The following ADAM22 variants were observed in gnomAD, a reference collection of about 807,000 sequenced individuals.
ADAM22 encodes disintegrin and metalloproteinase domain-containing protein 22.
ADAM22 carries 65 observed loss-of-function variants against 144.6 expected under a neutral mutation model. The observed-to-expected ratio is 0.45, with a 90% CI of 0.37 to 0.55. The LOEUF (loss-of-function observed/expected upper bound fraction) is 0.55, where lower values mean the gene tolerates loss of function less well. ADAM22 is among the 20% of genes least tolerant of loss of function. The pLI is 0.00. For synonymous variants in ADAM22, 391 were observed against 412.6 expected, an observed-to-expected ratio of 0.95 and a Z score of 0.63; for missense variants, 974 against 1,184.9, an observed-to-expected ratio of 0.82 and a Z score of 2.61.
At chr7:87,993,084 G>A (rs1381786975) in intron 3 of ADAM22, among the ~76,000 whole-genome samples, 1 of 152,154 alleles carries the variant, frequency 6.6e-6, no homozygotes, top group African/African-American at 2.4e-5. Context: ...AGTGGCGTAT[G>A]GGGTGGATAT....
At chr7:88,082,865 T>C (rs1173220877) in intron 4 of ADAM22, among the ~76,000 whole-genome samples, 1 of 152,012 alleles carries the variant, frequency 6.6e-6, no homozygotes, top group East Asian at 1.9e-4. Context: ...TGTGGAGAAA[T>C]AGGAACACTT....
chr7:88,019,782 G>A (rs773000538), intron 3 of ADAM22, among the ~76,000 whole-genome samples: 17 of 151,952 alleles, frequency 1.1e-4, no homozygotes, highest in Admixed American at 4.6e-4. Context: ...CCTGGGAGGC[G>A]GAGGTTGCAG....
intron 2 of ADAM22, among the ~76,000 whole-genome samples, chr7:87,939,513 G>A (rs552891447): frequency 2.0e-5 from 3 of 152,274 alleles, no homozygotes; most frequent in South Asian, 2.1e-4. Context: ...CAAAGAGCAC[G>A]TGACTGTAGC....
intron 2 of ADAM22, among the ~76,000 whole-genome samples, chr7:87,954,798 G>A (rs1212491133): frequency 6.6e-6 from 1 of 152,094 alleles, no homozygotes; most frequent in African/African-American, 2.4e-5. Context: ...CGCAGATTTG[G>A]TCTTCTCACA....
intron 4 of ADAM22, among the ~76,000 whole-genome samples, chr7:88,091,544 T>A (rs1819852235): frequency 6.6e-6 from 1 of 152,188 alleles, no homozygotes. Flanking sequence ...ACTTGTATGG[T>A]ATTTACTATG....
intron 3 of ADAM22, among the ~76,000 whole-genome samples, chr7:88,041,203 C>T (rs898943628): frequency 6.6e-6 from 1 of 151,996 alleles, no homozygotes; most frequent in African/African-American, 2.4e-5. Flanking sequence ...TACAGTCCCA[C>T]CAATATTCAA....
intron 3 of ADAM22, among the ~76,000 whole-genome samples, chr7:88,061,447 CTTGAAG>C (rs1468534301): frequency 1.3e-5 from 2 of 152,170 alleles, no homozygotes. Flanking sequence ...AATAATAAGA[CTTGAAG>C]TTGAAATTAC....
intron 3 of ADAM22, among the ~76,000 whole-genome samples, chr7:88,054,038 A>G (rs1010618043): frequency 2.6e-5 from 4 of 152,174 alleles, no homozygotes; most frequent in Non-Finnish European, 5.9e-5. Context: ...AGGCTGAGGC[A>G]GGAGAATCAC....
chr7:88,116,568 G>C (rs1422078526), intron 6 of ADAM22, among the ~76,000 whole-genome samples, 177 bp from the exon 7 acceptor site: 1 of 152,132 alleles, frequency 6.6e-6, no homozygotes, highest in African/African-American at 2.4e-5. Context: ...TGTTGCTCTG[G>C]TGCTGAGAGA....
At chr7:88,077,804 T>C (rs1815067511) in intron 4 of ADAM22, among the ~76,000 whole-genome samples, 1 of 152,050 alleles carries the variant, frequency 6.6e-6, no homozygotes, top group African/African-American at 2.4e-5. Context: ...GGAGGGGCGC[T>C]CACCATTGCC....
intron 27 of ADAM22, among the ~76,000 whole-genome samples, chr7:88,180,826 ATCAT>A (rs1846830056): frequency 6.6e-6 from 1 of 152,052 alleles, no homozygotes; most frequent in South Asian, 2.1e-4. Flanking sequence ...CTTCTTTTAG[ATCAT>A]TCATTTAAAG....
At position 88,181,598 on chromosome 7, in the gene ADAM22, T is replaced by C; in HGVS notation, c.2589T>C (p.Ser863=). Reference sequence around the variant, plus strand: ...AAAATGGGCGACCTCGAAGTAACTCTTGGCAAGGTAGAGGCTGGCATTCTG... The same window carrying C: ...AAAATGGGCGACCTCGAAGTAACTCCTGGCAAGGTAGAGGCTGGCATTCTG... The part of the protein sequence containing the change: ...ICENGRPRSN[S]WQGNLGGNKK... The change falls in exon 28 of 32, where the codon TCT becomes TCC. Residue 863 remains serine, a synonymous_variant. Transcript: ENST00000413139. 3 of 1,613,200 alleles carry C rather than the reference T, an allele frequency of 1.9e-6. No individual in the cohort carries two copies. Among genetic ancestry groups the C allele is most frequent in the Non-Finnish European group, 2.5e-6 (3 of 1,179,262 alleles).
At chr7:88,120,299 T>G (rs1005022048) in intron 7 of ADAM22, among the ~76,000 whole-genome samples, 1 of 152,038 alleles carries the variant, frequency 6.6e-6, no homozygotes. Context: ...TTTACATTAG[T>G]TATATCTCCT....
intron 4 of ADAM22, among the ~76,000 whole-genome samples, chr7:88,096,583 T>A (rs947106988): frequency 4.6e-5 from 7 of 151,510 alleles, no homozygotes; most frequent in East Asian, 1.9e-4. Flanking sequence ...TATAATATTT[T>A]AAAAAATTGT....
At chr7:88,141,863 C>T (rs1834788763) in intron 14 of ADAM22, among the ~76,000 whole-genome samples, 1 of 152,058 alleles carries the variant, frequency 6.6e-6, no homozygotes, top group Admixed American at 6.5e-5. Context: ...CCACAAATAT[C>T]TTTGTTCGTA....
chr7:88,042,490 A>G (rs1042629239), intron 3 of ADAM22, among the ~76,000 whole-genome samples: 4 of 152,028 alleles, frequency 2.6e-5, no homozygotes, highest in Admixed American at 1.3e-4. Flanking sequence ...TACATGCAAC[A>G]ATCTTTTGTA....
intron 3 of ADAM22, among the ~76,000 whole-genome samples, chr7:88,050,238 A>C (rs1329619318): frequency 6.7e-5 from 10 of 150,320 alleles, no homozygotes; most frequent in Admixed American, 4.0e-4. Context: ...AAAAAAAAAA[A>C]AAAAAACCTG....
intron 3 of ADAM22, among the ~76,000 whole-genome samples, chr7:88,026,935 A>G (rs1799154401): frequency 6.6e-6 from 1 of 152,120 alleles, no homozygotes; most frequent in African/African-American, 2.4e-5. Flanking sequence ...TTTGTCATGA[A>G]AGGGTGTTGA....
intron 25 of ADAM22, among the ~76,000 whole-genome samples, chr7:88,169,784 A>C (rs1843822371): frequency 6.6e-6 from 1 of 152,116 alleles, no homozygotes; most frequent in Admixed American, 6.6e-5. Context: ...CATTTCTCCA[A>C]ATTAATGCAT....
Sources: gnomAD v4.1 joint callset for allele counts (sites outside exome capture counted in the v4.1 genomes callset) on GRCh38, gnomAD v4.1.1 for gene constraint, MANE v1.5 for transcripts, NCBI Gene and HGNC (gene_info 2026-07-23, HGNC 2026-07-21) for gene names.